LAMB3: variants seen among roughly 807,000 people sequenced by gnomAD.
LAMB3 encodes the protein laminin subunit beta-3.
A neutral mutation model predicts 140.3 loss-of-function variants in LAMB3; 104 were observed. The ratio of observed to expected loss-of-function variants is 0.74; its 90% CI spans 0.63 to 0.87. The LOEUF is 0.87. Among genes scored for constraint, LAMB3 ranks in the 40% least tolerant of loss-of-function variants. LAMB3 has a pLI of 0.00. For missense variants in LAMB3, 1,531 were observed against 1,575.2 expected, an observed-to-expected ratio of 0.97 and a Z score of 0.47; for synonymous variants, 592 against 602.9, an observed-to-expected ratio of 0.98 and a Z score of 0.26.
intron 21 of LAMB3, 132 bp downstream of exon 21, chr1:209,617,278 C>T (rs1245898235): frequency 1.9e-5 from 20 of 1,069,798 alleles, no homozygotes; most frequent in Non-Finnish European, 2.7e-5. Context: ...TGGGTTGACT[C>T]TCAAGCCTCT....
rs1185008263 is a variant in LAMB3 at position 209,623,506 on chromosome 1, T to C, written c.2357A>G (p.Lys786Arg). 2 of 1,613,936 alleles carry C rather than the reference T, an allele frequency of 1.2e-6. No individual in the cohort carries two copies. Among genetic ancestry groups the C allele is most frequent in the African/African-American group, 1.3e-5 (1 of 74,914 alleles). ...GTGGGACTCCATGCCCCAAGTCACC[T>C]TGTTGAAGGTGGGTGTCAGGTCAGG... The part of the protein sequence containing the change: ...SLPDLTPTFN[K>R]LCGNSRQMAC... The change falls in exon 16 of 23, where the codon AAG becomes AGG. Residue 786 changes from lysine (K) to arginine (R), a missense_variant and splice_region_variant. Physicochemically the swap from Lys to Arg is conservative, Grantham distance 26 (BLOSUM62 2). Coordinates refer to ENST00000356082, the MANE Select transcript of LAMB3 (RefSeq NM_000228.3). This position sits in a 1 kb window ranked among gnomAD's most constrained non-coding sequence, Gnocchi z 4.2.
At position 209,625,937 on chromosome 1, in the gene LAMB3, G is replaced by A. The variant is rs779224166; in HGVS notation, c.1687C>T (p.Arg563Cys). 9 of 1,613,546 alleles carry A rather than the reference G, an allele frequency of 5.6e-6. No homozygotes were observed. Among genetic ancestry groups the A allele is most frequent in the African/African-American group, 2.7e-5 (2 of 74,924 alleles). ...CLCRPGLTGP[R>C]CDQCQRGYCN... ...TAGCCTCGCTGGCACTGGTCACAGC[G>A]GGGCCCGGTCAAGCCAGGGCGGCAG... The change falls in exon 14 of 23, where the codon CGC becomes TGC. Residue 563 changes from arginine to cysteine, a missense_variant. Transcript: ENST00000356082.
chr1:209,632,784 G>A lies in LAMB3; in HGVS notation c.629-8C>T. The A allele has an allele frequency of 6.2e-7, 1 of 1,613,440 alleles. No individual in the cohort carries two copies. Among genetic ancestry groups the A allele is most frequent in the Non-Finnish European group, 8.5e-7 (1 of 1,179,360 alleles). ...TTGTGATCTCCCCCACCTCTGAGAG[G>A]GCCAAACAGCAAGGAGGGAAGAGTT... On this transcript the variant is annotated splice_polypyrimidine_tract_variant and splice_region_variant and intron_variant, in intron 7 of 22. Coordinates refer to ENST00000356082, the MANE Select transcript of LAMB3 (RefSeq NM_000228.3).
At chr1:209,642,253 A>G (rs948542477) in intron 3 of LAMB3, among the ~76,000 whole-genome samples, 1 of 151,810 alleles carries the variant, frequency 6.6e-6, no homozygotes, top group African/African-American at 2.4e-5. Context: ...GTGTGTGTGA[A>G]TATATATATA....
chr1:209,626,857 G>C lies in LAMB3; in HGVS notation c.1597+10C>G, dbSNP rs201322027. 1.2e-5 allele frequency: 20 copies of C among 1,606,284 alleles called. No individual in the cohort carries two copies. The East Asian group carries it at 4.5e-4, about 36-fold the overall frequency. On this transcript the variant is annotated intron_variant, in intron 13 of 22. Transcript: ENST00000356082. ...AGAGCCTCAGCGTCCCCCAGGCTTT[G>C]AGCATGCACCTCGGCATCCTGTGGC...
At chr1:209,618,748 G>T in intron 18 of LAMB3, 89 bp from the exon 19 acceptor site, 1 of 1,291,374 alleles carries the variant, frequency 7.7e-7, no homozygotes, top group Non-Finnish European at 1.1e-6. Flanking sequence ...CTTGTGGAAG[G>T]CACCCACAGT....
intron 5 of LAMB3, among the ~76,000 whole-genome samples, chr1:209,636,533 C>T (rs1015722970): frequency 2.0e-5 from 3 of 152,062 alleles, no homozygotes; most frequent in Admixed American, 1.3e-4. Flanking sequence ...AGTCTGCTCC[C>T]CTCCCCCTGT....
chr1:209,629,941 C>T lies in LAMB3; in HGVS notation c.944-16G>A. On this transcript the variant is annotated splice_polypyrimidine_tract_variant and intron_variant, in intron 9 of 22. Coordinates refer to ENST00000356082, the MANE Select transcript of LAMB3 (RefSeq NM_000228.3). The stretch of plus-strand genomic sequence containing the variant: ...CAGTCGCACCCTGGAAAAAGAGAGT[C>T]CCAGGGCTGACATCTGACCCACACC... The T allele has an allele frequency of 6.2e-7, 1 of 1,612,380 alleles. No individual in the cohort carries two copies. Among genetic ancestry groups the T allele is most frequent in the East Asian group, 2.2e-5 (1 of 44,862 alleles).
In LAMB3 at chr1:209,623,050, A is replaced by C. The variant is rs966743285; in HGVS notation, c.2488T>G (p.Leu830Val). 1 of 1,614,152 alleles carries C rather than the reference A, an allele frequency of 6.2e-7. No homozygotes were observed. The highest frequency in any genetic ancestry group is 8.5e-7 in the Non-Finnish European group (1 of 1,180,018). The change falls in exon 17 of 23, where the codon TTG (leucine) becomes GTG (valine). Residue 830 changes from leucine (L) to valine (V), a missense_variant. By Grantham distance (32) the Leu-to-Val change is conservative. Transcript: ENST00000356082. The surrounding 1 kb of genome is among the most constrained non-coding windows in gnomAD (Gnocchi z 4.2). Reference sequence around the variant, plus strand: ...TGCTCAGCCACCTGCCCCGCCATCAAGAAGGCCCCACCGGCCCTGGGAAGG... The same window carrying C: ...TGCTCAGCCACCTGCCCCGCCATCACGAAGGCCCCACCGGCCCTGGGAAGG... Reference protein sequence around the residue: ...GVLPRAGGAFLMAGQVAEQLR... With the variant: ...GVLPRAGGAFVMAGQVAEQLR...
intron 3 of LAMB3, among the ~76,000 whole-genome samples, chr1:209,642,791 T>G (rs2076481426): frequency 6.6e-6 from 1 of 152,186 alleles, no homozygotes; most frequent in African/African-American, 2.4e-5. Context: ...GTTTAAATTT[T>G]TATACCTTGG....
chr1:209,651,068 T>A, intron 1 of LAMB3, 87 bp from the exon 2 acceptor site: 1 of 904,500 alleles, frequency 1.1e-6, no homozygotes, highest in Non-Finnish European at 1.9e-6. Context: ...TAGACTCAAG[T>A]ATTTTTCAGA....
intron 1 of LAMB3, among the ~76,000 whole-genome samples, chr1:209,651,727 G>A (rs1017701542): frequency 6.6e-6 from 1 of 152,134 alleles, no homozygotes; most frequent in East Asian, 1.9e-4. Context: ...CCACCGTGGG[G>A]TCCCAGAGGC....
At chr1:209,621,461 T>C (rs1468124761) in intron 18 of LAMB3, among the ~76,000 whole-genome samples, 1 of 152,216 alleles carries the variant, frequency 6.6e-6, no homozygotes, top group Non-Finnish European at 1.5e-5. Context: ...GCAAAAACAC[T>C]GTAATAGTAG....
intron 5 of LAMB3, among the ~76,000 whole-genome samples, chr1:209,636,148 C>T (rs1414120964): frequency 6.6e-6 from 1 of 152,034 alleles, no homozygotes; most frequent in African/African-American, 2.4e-5. Context: ...CCACGATTTC[C>T]AATTATTTAC....
intron 5 of LAMB3, among the ~76,000 whole-genome samples, chr1:209,635,011 C>G (rs956808484): frequency 1.4e-4 from 22 of 151,776 alleles, no homozygotes; most frequent in African/African-American, 4.8e-4. Flanking sequence ...TCATGGCCCT[C>G]CAAACCACAT....
chr1:209,634,604 G>A lies in LAMB3; in HGVS notation c.407C>T (p.Ser136Phe). ...TCGCCAGGTCTTACCGAAGTCTGAGGAGCGCTCAATCAGCATGCCGGCGGG... is the reference window on the plus strand; with the variant it reads ...TCGCCAGGTCTTACCGAAGTCTGAGAAGCGCTCAATCAGCATGCCGGCGGG... Reference protein sequence around the residue: ...PMPAGMLIERSSDFGKTWRVY... With the variant: ...PMPAGMLIERFSDFGKTWRVY... The change falls in exon 6 of 23, where the codon TCC (serine) becomes TTC (phenylalanine). Residue 136 changes from serine to phenylalanine, a missense_variant. By Grantham distance (155) the Ser-to-Phe change is radical (BLOSUM62 -2). Coordinates refer to ENST00000356082, the MANE Select transcript of LAMB3 (RefSeq NM_000228.3). The A allele has an allele frequency of 6.2e-7, 1 of 1,614,090 alleles. No homozygotes were observed. Among genetic ancestry groups the A allele is most frequent in the South Asian group, 1.1e-5 (1 of 91,074 alleles).
At chr1:209,631,200 T>C (rs1177239650) in intron 8 of LAMB3, among the ~76,000 whole-genome samples, 2 of 152,204 alleles carry the variant, frequency 1.3e-5, no homozygotes, top group Admixed American at 1.3e-4. Context: ...AAAAATAGAA[T>C]AGCTGTTGCG....
At chr1:209,643,659 G>C (rs1218197493) in intron 3 of LAMB3, among the ~76,000 whole-genome samples, 1 of 152,188 alleles carries the variant, frequency 6.6e-6, no homozygotes, top group African/African-American at 2.4e-5. Context: ...CTGAGCCTTT[G>C]TAAAACACAG....
rs894667151 is a variant in LAMB3 at position 209,627,674 on chromosome 1, G to A, written c.1289-95C>T. On this transcript the variant is annotated intron_variant, in intron 11 of 22. Transcript: ENST00000356082. ...CAGGGAGGGGCGCTGCCTGGGAAAA[G>A]AACTGGGCAGGGCCCTTCCCTGCAG... The A allele has an allele frequency of 1.4e-5, 16 of 1,167,674 alleles. No homozygotes were observed. The Admixed American group carries it at 2.9e-4, about 21-fold the overall frequency. 72.3% of individuals were successfully genotyped at this position (1,167,674 alleles called of 1,614,324 possible).
Sources: allele counts gnomAD v4.1 joint callset (sites outside exome capture counted in the v4.1 genomes callset), GRCh38; gene constraint gnomAD v4.1.1; non-coding constraint Gnocchi (gnomAD v3.1); transcripts MANE v1.5; gene names NCBI Gene and HGNC (gene_info 2026-07-23, HGNC 2026-07-21).